FBXL17: variants seen among roughly 807,000 people sequenced by gnomAD.
The protein encoded by FBXL17 is F-box/LRR-repeat protein 17.
Under a neutral mutation model 66.2 loss-of-function variants are expected in FBXL17, and 22 were observed. That is an observed-to-expected ratio of 0.33 (90% CI 0.24 to 0.47). The LOEUF (loss-of-function observed/expected upper bound fraction) is 0.47. Among genes scored for constraint, FBXL17 ranks in the 20% least tolerant of loss-of-function variants. FBXL17 has a pLI of 1.00. For missense variants in FBXL17, 878 were observed against 948.2 expected (o/e 0.93, Z 0.97); for synonymous variants, 474 against 400.5 (o/e 1.18, Z -2.19).
At chr5:107,925,700 T>C (rs1248188708) in intron 7 of FBXL17, among the ~76,000 whole-genome samples, 2 of 152,220 alleles carry the variant, frequency 1.3e-5, no homozygotes, top group South Asian at 2.1e-4. Context: ...TCCACAGTAG[T>C]AATGTGTTCA....
At chr5:107,990,736 G>T (rs1459973929) in intron 7 of FBXL17, among the ~76,000 whole-genome samples, 1 of 151,870 alleles carries the variant, frequency 6.6e-6, no homozygotes, top group African/African-American at 2.4e-5. Flanking sequence ...GTCTTATTTG[G>T]CAAACTGATA....
intron 4 of FBXL17, among the ~76,000 whole-genome samples, chr5:108,239,443 T>C (rs2150097954): frequency 6.6e-6 from 1 of 152,296 alleles, no homozygotes; most frequent in South Asian, 2.1e-4. Flanking sequence ...TGGAACTCAG[T>C]GCTTCCCTGT....
chr5:107,973,779 G>T (rs1368938412), intron 7 of FBXL17, among the ~76,000 whole-genome samples: 1 of 151,196 alleles, frequency 6.6e-6, no homozygotes, highest in South Asian at 2.1e-4. Context: ...CACCAGGACT[G>T]AATCCTGAAT....
chr5:108,051,511 C>T (rs1323125440), intron 6 of FBXL17, among the ~76,000 whole-genome samples: 1 of 152,142 alleles, frequency 6.6e-6, no homozygotes, highest in Non-Finnish European at 1.5e-5. Flanking sequence ...TCTCAATATG[C>T]TCAAAAACGG....
At chr5:108,232,388 T>C (rs1410224599) in intron 4 of FBXL17, among the ~76,000 whole-genome samples, 1 of 152,056 alleles carries the variant, frequency 6.6e-6, no homozygotes, top group Non-Finnish European at 1.5e-5. Context: ...TGGGTTCAAG[T>C]TGGCAAGGGG....
chr5:108,335,234 C>G (rs192372623), intron 4 of FBXL17, among the ~76,000 whole-genome samples: 1 of 147,744 alleles, frequency 6.8e-6, no homozygotes, highest in Admixed American at 6.8e-5. Flanking sequence ...CCCCCACCCC[C>G]CCCCAACACA....
chr5:108,043,830 C>A (rs1303793984), intron 6 of FBXL17, among the ~76,000 whole-genome samples: 1 of 152,166 alleles, frequency 6.6e-6, no homozygotes, highest in African/African-American at 2.4e-5. Flanking sequence ...TATGTGGCTT[C>A]CAATCCATCA....
chr5:108,337,255 C>CAAA (rs1222260145), intron 4 of FBXL17, among the ~76,000 whole-genome samples: 1 of 68,530 alleles, frequency 1.5e-5, no homozygotes, highest in Non-Finnish European at 3.0e-5. Flanking sequence ...GACTCCATCT[C>CAAA]AAAAAAAAAA....
intron 1 of FBXL17, among the ~76,000 whole-genome samples, chr5:108,370,453 T>C (rs1490839668): frequency 6.6e-6 from 1 of 151,992 alleles, no homozygotes; most frequent in East Asian, 1.9e-4. Flanking sequence ...GTATAGAATA[T>C]CATAAAAGTG....
At chr5:108,195,691 T>A (rs929219860) in intron 5 of FBXL17, among the ~76,000 whole-genome samples, 2 of 152,184 alleles carry the variant, frequency 1.3e-5, no homozygotes, top group African/African-American at 4.8e-5. Flanking sequence ...AGAAGCTATA[T>A]TGAATTAATC....
intron 5 of FBXL17, among the ~76,000 whole-genome samples, chr5:108,197,789 G>A (rs949691754): frequency 1.8e-4 from 27 of 151,838 alleles, no homozygotes; most frequent in Admixed American, 6.6e-5. Flanking sequence ...CAGAAATGTT[G>A]TATCTACACT....
intron 6 of FBXL17, among the ~76,000 whole-genome samples, chr5:108,178,728 G>A (rs972696762): frequency 3.3e-4 from 50 of 152,142 alleles, no homozygotes; most frequent in African/African-American, 1.1e-3. Context: ...GAGGCAAGGC[G>A]GTGCTGCTAT....
chr5:108,008,705 C>T (rs369763246), intron 7 of FBXL17, among the ~76,000 whole-genome samples: 8 of 152,068 alleles, frequency 5.3e-5, no homozygotes, highest in East Asian at 1.9e-4. Flanking sequence ...TCTGGATGCG[C>T]GCAGCTTGGT....
At chr5:108,126,488 C>T (rs979138487) in intron 6 of FBXL17, among the ~76,000 whole-genome samples, 9 of 151,930 alleles carry the variant, frequency 5.9e-5, no homozygotes, top group African/African-American at 2.2e-4. Flanking sequence ...ATTTTATTAA[C>T]ATTCTAGACA....
At chr5:108,172,202 T>C (rs1040833732) in intron 6 of FBXL17, among the ~76,000 whole-genome samples, 2 of 152,204 alleles carry the variant, frequency 1.3e-5, no homozygotes, top group Admixed American at 1.3e-4. Flanking sequence ...TTTCTTATTC[T>C]CAGAGAGACC....
chr5:107,879,996 A>G (rs888715484), intron 8 of FBXL17: 2 of 726,924 alleles, frequency 2.8e-6, no homozygotes, highest in African/African-American at 3.8e-5. Flanking sequence ...ACTATTTCTT[A>G]GACTTGTTAT....
chr5:107,868,624 C>A (rs1394781260), intron 8 of FBXL17, among the ~76,000 whole-genome samples: 3 of 152,216 alleles, frequency 2.0e-5, no homozygotes, highest in African/African-American at 7.2e-5. Flanking sequence ...ATGGTCCCTG[C>A]CCTCTTGTAG....
rs182096395 is a variant in FBXL17 at position 108,192,314 on chromosome 5, C to G, written c.1615-6067G>C. Among the ~76,000 whole-genome samples, 8 of 152,290 alleles carry G rather than the reference C, an allele frequency of 5.3e-5. No homozygotes were observed. In the East Asian group the frequency reaches 1.5e-3, roughly 29 times the overall value. ...ATTTGAATAAGCAAAGCCTTACAAT[C>G]AAGATCTAAATGTTTCACTCCAATT... On this transcript the variant is annotated intron_variant, in intron 5 of 8. Coordinates refer to ENST00000542267, the MANE Select transcript of FBXL17 (RefSeq NM_001163315.3).
At chr5:107,945,499 T>A (rs1751253601) in intron 7 of FBXL17, among the ~76,000 whole-genome samples, 1 of 152,074 alleles carries the variant, frequency 6.6e-6, no homozygotes, top group Admixed American at 6.6e-5. Context: ...TAAGTTGGGG[T>A]TGTTATATAT....
Sources: allele counts gnomAD v4.1 joint callset (sites outside exome capture counted in the v4.1 genomes callset), GRCh38; gene constraint gnomAD v4.1.1; transcripts MANE v1.5; gene names NCBI Gene and HGNC (gene_info 2026-07-23, HGNC 2026-07-21).